Variants in OR2L13 observed in about 807,000 individuals in gnomAD.
OR2L13 encodes olfactory receptor family 2 subfamily L member 13.
OR2L13 carries 14 observed loss-of-function variants against 15.3 expected under a neutral mutation model. The observed-to-expected ratio is 0.91, with a 90% CI of 0.60 to 1.43. The LOEUF (loss-of-function observed/expected upper bound fraction) is 1.43. Among genes scored for constraint, OR2L13 ranks in the 40% most tolerant of loss-of-function variants. The pLI is 0.00. For synonymous variants in OR2L13, 152 were observed against 142.9 expected (o/e 1.06, Z -0.45); for missense variants, 367 against 387.9 (o/e 0.95, Z 0.45).
chr1:247,986,465 G>A, the OR2L13 span, among the ~76,000 whole-genome samples: 4,996 of 151,986 alleles, frequency 0.033, 252 homozygotes, highest in African/African-American at 0.11. Context: ...TGTTCCATTG[G>A]TCTATATCTC....
the OR2L13 span, among the ~76,000 whole-genome samples, chr1:248,057,651 C>T: frequency 2.0e-5 from 3 of 152,022 alleles, no homozygotes; most frequent in Non-Finnish European, 2.9e-5. Context: ...TCCATTTATT[C>T]GTGTCTTCTT....
the OR2L13 span, among the ~76,000 whole-genome samples, chr1:247,947,074 G>A: frequency 1.3e-5 from 2 of 152,024 alleles, no homozygotes; most frequent in Admixed American, 6.6e-5. Context: ...TTCAAATAGA[G>A]TTTTCTTACT....
At chr1:247,954,723 A>G in the OR2L13 span, among the ~76,000 whole-genome samples, 1 of 152,074 alleles carries the variant, frequency 6.6e-6, no homozygotes, top group East Asian at 1.9e-4. Context: ...ATTTCTGCAT[A>G]ACAAGATAAG....
At chr1:248,034,127 A>G in the OR2L13 span, among the ~76,000 whole-genome samples, 1 of 152,336 alleles carries the variant, frequency 6.6e-6, no homozygotes, top group South Asian at 2.1e-4. Flanking sequence ...TCTATAAGGA[A>G]AACTACAAAA....
chr1:248,075,173 T>G, the OR2L13 span, among the ~76,000 whole-genome samples: 7 of 152,218 alleles, frequency 4.6e-5, no homozygotes, highest in African/African-American at 1.7e-4. Context: ...GTTTCCAGCT[T>G]CATCCATGTC....
chr1:248,009,315 A>G, the OR2L13 span, among the ~76,000 whole-genome samples: 1 of 152,074 alleles, frequency 6.6e-6, no homozygotes, highest in Non-Finnish European at 1.5e-5. Context: ...AATAAAATAG[A>G]CACAATAAAA....
At chr1:247,950,164 TA>T in the OR2L13 span, among the ~76,000 whole-genome samples, 1 of 152,186 alleles carries the variant, frequency 6.6e-6, no homozygotes, top group African/African-American at 2.4e-5. Context: ...TGGTTATGTC[TA>T]AAACAAAACC....
chr1:247,999,482 T>C, the OR2L13 span, among the ~76,000 whole-genome samples: 3 of 152,208 alleles, frequency 2.0e-5, no homozygotes, highest in Admixed American at 6.5e-5. Context: ...GAAAGAGTTA[T>C]GGTTCTCCAA....
chr1:248,066,082 C>T, the OR2L13 span, among the ~76,000 whole-genome samples: 2 of 152,154 alleles, frequency 1.3e-5, no homozygotes, highest in Non-Finnish European at 2.9e-5. Flanking sequence ...CCCCATATAC[C>T]TCCTAGTAAC....
chr1:248,098,734 A>G (rs1216539874), exon 2 of OR2L13: 3 of 152,320 alleles, frequency 2.0e-5, no homozygotes, highest in African/African-American at 4.8e-5. Context: ...TGCCTCAGAC[A>G]GAAGAGCACA....
At chr1:247,986,844 A>G in the OR2L13 span, among the ~76,000 whole-genome samples, 2 of 152,140 alleles carry the variant, frequency 1.3e-5, 1 homozygote, top group Non-Finnish European at 2.9e-5. Context: ...TGTAAGTTGT[A>G]TTCCTACGTA....
At chr1:248,083,400 A>G in the OR2L13 span, 1 of 451,470 alleles carries the variant, frequency 2.2e-6, no homozygotes, top group Non-Finnish European at 3.9e-6. Context: ...TACTTATATC[A>G]TGGGGTTGTT....
At chr1:248,049,761 T>C in the OR2L13 span, among the ~76,000 whole-genome samples, 1 of 152,226 alleles carries the variant, frequency 6.6e-6, no homozygotes, top group South Asian at 2.1e-4. Context: ...ATTTTTGTTT[T>C]GACTGATTAA....
chr1:248,091,833 A>C (rs776448806), upstream of OR2L13, among the ~76,000 whole-genome samples: 1 of 152,132 alleles, frequency 6.6e-6, no homozygotes, highest in African/African-American at 2.4e-5. Flanking sequence ...GAGGAATGTC[A>C]TTGATAGTTT....
At chr1:248,049,851 A>G in the OR2L13 span, among the ~76,000 whole-genome samples, 1 of 152,202 alleles carries the variant, frequency 6.6e-6, no homozygotes, top group Non-Finnish European at 1.5e-5. Context: ...TAAAAGGTTT[A>G]TATTAATGTA....
the OR2L13 span, among the ~76,000 whole-genome samples, chr1:247,997,383 CTTTATAA>C: frequency 5.9e-4 from 89 of 152,104 alleles, 1 homozygote; most frequent in Non-Finnish European, 1.2e-3. Context: ...GAGAAAATCA[CTTTATAA>C]TTTAGTGAGC....
the OR2L13 span, among the ~76,000 whole-genome samples, chr1:248,050,263 GA>G: frequency 1.6e-3 from 233 of 142,808 alleles, no homozygotes; most frequent in African/African-American, 4.7e-3. Flanking sequence ...AATTTTTAGT[GA>G]AAAAAAAAAA....
At chr1:248,026,775 A>T in the OR2L13 span, among the ~76,000 whole-genome samples, 4 of 152,238 alleles carry the variant, frequency 2.6e-5, no homozygotes, top group East Asian at 7.7e-4. Context: ...CACTTCCCCA[A>T]TCAATACGCT....
At position 248,100,293 on chromosome 1, in the gene OR2L13, A is replaced by G. The variant is rs372208246; in HGVS notation, c.918A>G (p.Ile306Met). 6 of 1,603,386 alleles carry G rather than the reference A, an allele frequency of 3.7e-6. No homozygotes were observed. The African/African-American group carries it at 6.7e-5, about 18-fold the overall frequency. The change falls in exon 3 of 3, where the codon ATA becomes ATG. Residue 306 changes from isoleucine to methionine, a missense_variant. Coordinates refer to ENST00000641714, the Ensembl canonical transcript of OR2L13. ...GGGCTATGAGGAGAGTGTTTGGGAT[A>G]TTCTCTTTCCTGAAAGAATAATCAT...
Sources: gnomAD v4.1 joint callset for allele counts (sites outside exome capture counted in the v4.1 genomes callset) on GRCh38, gnomAD v4.1.1 for gene constraint, MANE v1.5 for transcripts, NCBI Gene and HGNC (gene_info 2026-07-23, HGNC 2026-07-21) for gene names.